The following ATXN8OS variants were observed in gnomAD, a reference collection of about 807,000 sequenced individuals.
ATXN8OS encodes ATXN8 opposite strand lncRNA.
At chr13:70,156,622 T>G (rs9317885) in intron 4 of ATXN8OS, among the ~76,000 whole-genome samples, 71,083 of 151,892 alleles carry the variant, frequency 0.47, 20,135 homozygotes, top group Non-Finnish European at 0.64. Flanking sequence ...TTTTGAAAAC[T>G]TGAGCCAGTG....
intron 4 of ATXN8OS, among the ~76,000 whole-genome samples, chr13:70,162,744 A>C (rs993799489): frequency 2.6e-5 from 4 of 152,112 alleles, no homozygotes. Context: ...ATTAGATTTT[A>C]AAAAATCTTT....
chr13:70,154,504 G>A (rs1379878001), intron 4 of ATXN8OS, among the ~76,000 whole-genome samples: 1 of 152,124 alleles, frequency 6.6e-6, no homozygotes, highest in African/African-American at 2.4e-5. Flanking sequence ...GTTCTTATAT[G>A]ACTGAAGACA....
intron 2 of ATXN8OS, among the ~76,000 whole-genome samples, chr13:70,123,497 G>A (rs541356252): frequency 3.3e-4 from 50 of 152,164 alleles, no homozygotes; most frequent in African/African-American, 1.1e-3. Context: ...TAGCCTAGGT[G>A]TAAAGGTCAC....
chr13:70,120,674 C>G (rs540401997), intron 2 of ATXN8OS, among the ~76,000 whole-genome samples: 1 of 152,148 alleles, frequency 6.6e-6, no homozygotes, highest in Admixed American at 6.6e-5. Context: ...TGGAAAATGA[C>G]AATGCACTGA....
chr13:70,162,493 C>A (rs1889021169), intron 4 of ATXN8OS, among the ~76,000 whole-genome samples: 3 of 152,134 alleles, frequency 2.0e-5, no homozygotes, highest in Middle Eastern at 3.4e-3. Context: ...GCAACCCAAG[C>A]AGAAGCCAGA....
At chr13:70,137,628 TGAA>T (rs545057702) in intron 3 of ATXN8OS, among the ~76,000 whole-genome samples, 122 of 152,310 alleles carry the variant, frequency 8.0e-4, no homozygotes, top group African/African-American at 2.8e-3. Context: ...AATTCCAAAA[TGAA>T]GAACTACTGT....
intron 2 of ATXN8OS, among the ~76,000 whole-genome samples, chr13:70,125,784 T>C (rs962914247): frequency 6.6e-6 from 1 of 152,154 alleles, no homozygotes; most frequent in African/African-American, 2.4e-5. Context: ...GTTTCACTGA[T>C]GCACAGTCAG....
chr13:70,166,769 A>G lies in ATXN8OS; in HGVS notation n.574-2984A>G, dbSNP rs1889081196. ...GGGAGAAAATTTTTCCAACCTACTC[A>G]TCTGACAAAGGGCTAATATCCAGAA... On this transcript the variant is annotated intron_variant and non_coding_transcript_variant, in intron 4 of 4. Transcript: ENST00000678624. Among the ~76,000 whole-genome samples, 7 of 152,280 alleles carry G rather than the reference A, an allele frequency of 4.6e-5. No individual in the cohort carries two copies. The South Asian group carries it at 1.4e-3, about 32-fold the overall frequency.
chr13:70,163,351 T>C (rs1006431343), intron 4 of ATXN8OS, among the ~76,000 whole-genome samples: 5 of 151,956 alleles, frequency 3.3e-5, no homozygotes, highest in African/African-American at 9.7e-5. Flanking sequence ...TCCAGGATCT[T>C]AATTATTACA....
At chr13:70,144,489 T>C (rs964906546) in intron 3 of ATXN8OS, among the ~76,000 whole-genome samples, 20 of 152,150 alleles carry the variant, frequency 1.3e-4, no homozygotes, top group Non-Finnish European at 2.9e-4. Context: ...TGGCATAGAG[T>C]CCAATATGTA....
intron 1 of ATXN8OS, among the ~76,000 whole-genome samples, chr13:70,109,548 T>C (rs186489975): frequency 6.9e-6 from 1 of 145,290 alleles, no homozygotes; most frequent in African/African-American, 2.8e-5. Flanking sequence ...GACGCTTTAA[T>C]AAAATAAGAA....
chr13:70,167,603 A>G (rs1566622394), intron 4 of ATXN8OS, among the ~76,000 whole-genome samples: 1 of 151,998 alleles, frequency 6.6e-6, no homozygotes, highest in Non-Finnish European at 1.5e-5. Context: ...ATGCACATGC[A>G]TACGTATGTA....
intron 3 of ATXN8OS, among the ~76,000 whole-genome samples, chr13:70,136,853 G>A (rs1047142967): frequency 2.0e-5 from 3 of 152,150 alleles, no homozygotes; most frequent in African/African-American, 7.2e-5. Flanking sequence ...GAAATGAACA[G>A]AACTACTTAA....
intron 2 of ATXN8OS, among the ~76,000 whole-genome samples, chr13:70,122,281 T>G (rs1442070655): frequency 6.6e-6 from 1 of 151,966 alleles, no homozygotes; most frequent in African/African-American, 2.4e-5. Flanking sequence ...CTCAATTCTA[T>G]TGTCTTTTGT....
intron 4 of ATXN8OS, among the ~76,000 whole-genome samples, chr13:70,164,049 TTTATTCTTATTATTATTATTATTATTA>T (rs761276638): frequency 1.4e-5 from 2 of 140,504 alleles, no homozygotes; most frequent in African/African-American, 5.3e-5. Flanking sequence ...GCTGGAAGTT[TTTATTCTTATTATTATTATTATTATTA>T]TTATTATTAT....
Position 70,147,808 on chromosome 13 carries a change from C to T in ATXN8OS, n.573+380C>T, listed in dbSNP as rs562594885. On this transcript the variant is annotated intron_variant and non_coding_transcript_variant, in intron 4 of 4. Transcript: ENST00000678624. ...GAACATGTGCCCAAGATGATACAGC[C>T]TCGGGAGGTTCTAAGAACATGTGCC... 6.6e-5 allele frequency among the ~76,000 whole-genome samples: 10 copies of T among 152,208 alleles called. No homozygotes were observed. The South Asian group carries it at 2.1e-3, about 32-fold the overall frequency.
intron 2 of ATXN8OS, among the ~76,000 whole-genome samples, chr13:70,125,622 T>C (rs1888421956): frequency 6.6e-6 from 1 of 152,194 alleles, no homozygotes; most frequent in South Asian, 2.1e-4. Context: ...TGAACTGGAA[T>C]ACTTGTTTTT....
rs1161091505 is a variant in ATXN8OS at position 70,169,783 on chromosome 13, C to T, written n.604C>T. Among the ~76,000 whole-genome samples the T allele has an allele frequency of 2.0e-5, 3 of 152,070 alleles. No homozygotes were observed. In the East Asian group the frequency reaches 5.8e-4, roughly 29 times the overall value. ...TGTCTTCCCAAGGTTACAACACCTT[C>T]CAGAGATCTGCCTACAGTCACTGGC... On this transcript the variant is annotated non_coding_transcript_exon_variant, in exon 5 of 5. Transcript: ENST00000678624.
At chr13:70,145,554 A>G (rs936422261) in intron 3 of ATXN8OS, among the ~76,000 whole-genome samples, 3 of 151,994 alleles carry the variant, frequency 2.0e-5, no homozygotes, top group African/African-American at 7.3e-5. Context: ...TTCTCCTTGA[A>G]GAGGTCCTTC....
Sources: allele counts gnomAD v4.1 joint callset (sites outside exome capture counted in the v4.1 genomes callset), GRCh38; gene constraint gnomAD v4.1.1; transcripts MANE v1.5; gene names NCBI Gene and HGNC (gene_info 2026-07-23, HGNC 2026-07-21).